LRRC37A: variants seen among roughly 807,000 people sequenced by gnomAD.
LRRC37A encodes leucine-rich repeat-containing protein 37A.
A neutral mutation model predicts 35.4 loss-of-function variants in LRRC37A; 3 were observed. The ratio of observed to expected loss-of-function variants is 0.08; its 90% CI spans 0.04 to 0.22. The LOEUF is 0.22. LRRC37A is among the 10% of genes least tolerant of loss of function. The pLI is 1.00. For missense variants in LRRC37A, 67 were observed against 565.3 expected (o/e 0.12, Z 8.94); for synonymous variants, 23 against 215.0 (o/e 0.11, Z 7.81).
chr17:46,267,433 C>G, the LRRC37A span: 4 of 1,613,074 alleles, frequency 2.5e-6, no homozygotes, highest in Non-Finnish European at 3.4e-6. Context: ...GTACCTCACT[C>G]ACCCCCGACG....
chr17:46,260,561 C>T, the LRRC37A span: 3 of 1,431,544 alleles, frequency 2.1e-6, no homozygotes, highest in Non-Finnish European at 2.9e-6. Flanking sequence ...TCCAGCGCCG[C>T]CTTCACCCTC....
the LRRC37A span, among the ~76,000 whole-genome samples, chr17:46,261,945 A>AATT: frequency 7.9e-5 from 12 of 151,922 alleles, no homozygotes; most frequent in Non-Finnish European, 1.6e-4. Context: ...TCCTAAAGAC[A>AATT]ATTATTATTA....
At chr17:46,280,589 T>C in the LRRC37A span, among the ~76,000 whole-genome samples, 28 of 149,666 alleles carry the variant, frequency 1.9e-4, no homozygotes, top group East Asian at 4.1e-3. Flanking sequence ...TTTTTTTTTT[T>C]CCTGAGCAGA....
chr17:46,261,182 C>T, the LRRC37A span, among the ~76,000 whole-genome samples: 1 of 152,198 alleles, frequency 6.6e-6, no homozygotes, highest in Non-Finnish European at 1.5e-5. Flanking sequence ...CGTAACCAAA[C>T]ACCAGCTGTT....
chr17:46,262,020 G>C, the LRRC37A span, among the ~76,000 whole-genome samples: 1 of 152,180 alleles, frequency 6.6e-6, no homozygotes, highest in Non-Finnish European at 1.5e-5. Context: ...TGCCACCTGA[G>C]CTCACTGTAA....
At chr17:46,284,001 A>G in the LRRC37A span, among the ~76,000 whole-genome samples, 3 of 152,282 alleles carry the variant, frequency 2.0e-5, no homozygotes, top group African/African-American at 7.2e-5. Flanking sequence ...TCCAGCCCTA[A>G]GGCGGTTTTT....
At chr17:46,257,743 G>A in the LRRC37A span, among the ~76,000 whole-genome samples, 2 of 151,018 alleles carry the variant, frequency 1.3e-5, no homozygotes, top group Admixed American at 1.3e-4. Flanking sequence ...GATCCCTTGA[G>A]CCTTGGAGGT....
At chr17:46,250,664 T>C in the LRRC37A span, among the ~76,000 whole-genome samples, 1 of 152,240 alleles carries the variant, frequency 6.6e-6, no homozygotes, top group Non-Finnish European at 1.5e-5. Context: ...CGGCCTATTG[T>C]GGGACCTTGT....
At chr17:46,272,677 A>G in the LRRC37A span, among the ~76,000 whole-genome samples, 1 of 152,174 alleles carries the variant, frequency 6.6e-6, no homozygotes, top group Non-Finnish European at 1.5e-5. Flanking sequence ...CGGCCTCCCA[A>G]AGTGCTGGGG....
chr17:46,268,688 C>A, the LRRC37A span: 35 of 1,480,582 alleles, frequency 2.4e-5, no homozygotes, highest in Non-Finnish European at 3.1e-5. Context: ...ATACCCAATG[C>A]ATTTGAAACA....
intron 5 of LRRC37A, among the ~76,000 whole-genome samples, chr17:46,321,337 C>A: frequency 1.2e-5 from 1 of 84,132 alleles, no homozygotes. Context: ...GCCTGGGTGA[C>A]AGAGTGAGAC....
At chr17:46,250,668 A>C in the LRRC37A span, among the ~76,000 whole-genome samples, 2 of 152,140 alleles carry the variant, frequency 1.3e-5, no homozygotes, top group Non-Finnish European at 2.9e-5. Context: ...CTATTGTGGG[A>C]CCTTGTGATC....
chr17:46,321,276 A>C (rs2051345754), intron 5 of LRRC37A, among the ~76,000 whole-genome samples: 2 of 78,176 alleles, frequency 2.6e-5, no homozygotes, highest in Non-Finnish European at 4.2e-5. Flanking sequence ...GAATTGCTTG[A>C]ACCTGGGAGG....
the LRRC37A span, chr17:46,267,179 C>G: frequency 4.8e-5 from 28 of 583,890 alleles, no homozygotes; most frequent in South Asian, 6.5e-4. Flanking sequence ...CGCCGCCGCC[C>G]CGCGAGCCTT....
At chr17:46,248,431 T>A in the LRRC37A span, among the ~76,000 whole-genome samples, 1 of 152,074 alleles carries the variant, frequency 6.6e-6, no homozygotes, top group African/African-American at 2.4e-5. Context: ...TAGCTACTAA[T>A]CTGATTTCCT....
At chr17:46,273,784 C>T in the LRRC37A span, among the ~76,000 whole-genome samples, 1 of 152,218 alleles carries the variant, frequency 6.6e-6, no homozygotes, top group Non-Finnish European at 1.5e-5. Context: ...CACTACTTTT[C>T]CTTACATGGA....
the LRRC37A span, among the ~76,000 whole-genome samples, chr17:46,274,500 T>C: frequency 6.6e-6 from 1 of 152,332 alleles, no homozygotes; most frequent in East Asian, 1.9e-4. Context: ...GCTCCTTTCA[T>C]AGAAAGAAAA....
At chr17:46,260,140 G>A in the LRRC37A span, 1 of 721,758 alleles carries the variant, frequency 1.4e-6, no homozygotes, top group Non-Finnish European at 1.7e-6. Flanking sequence ...CGGCTGCAGC[G>A]CGGGCAGCAG....
At chr17:46,283,547 A>C in the LRRC37A span, among the ~76,000 whole-genome samples, 1 of 152,266 alleles carries the variant, frequency 6.6e-6, no homozygotes, top group Admixed American at 6.5e-5. Flanking sequence ...TCTAGTAATA[A>C]GTTACCTAAG....
Sources: allele counts gnomAD v4.1 joint callset (sites outside exome capture counted in the v4.1 genomes callset), GRCh38; gene constraint gnomAD v4.1.1; transcripts MANE v1.5; gene names NCBI Gene and HGNC (gene_info 2026-07-23, HGNC 2026-07-21).